The following PLA2G6 variants were observed in gnomAD, a reference collection of about 807,000 sequenced individuals.
The protein encoded by PLA2G6 is 85/88 kDa calcium-independent phospholipase A2.
Under a neutral mutation model 83.8 loss-of-function variants are expected in PLA2G6, and 62 were observed. That is an observed-to-expected ratio of 0.74 (90% CI 0.60 to 0.91). The LOEUF (loss-of-function observed/expected upper bound fraction) is 0.91, where lower values mean the gene tolerates loss of function less well. Ranked by LOEUF, PLA2G6 falls within the 40% of genes least tolerant of loss-of-function variation. The pLI, the probability that PLA2G6 is intolerant of heterozygous loss-of-function variation, is 0.00. For synonymous variants in PLA2G6, 417 were observed against 449.8 expected (o/e 0.93, Z 0.92); for missense variants, 944 against 1,102.0 (o/e 0.86, Z 2.03).
intron 1 of PLA2G6, 119 bp from the exon 2 acceptor site, chr22:38,169,590 C>A: frequency 2.9e-6 from 2 of 681,558 alleles, no homozygotes; most frequent in Admixed American, 2.1e-5. Flanking sequence ...TCCCCAGATC[C>A]TGGGCCTGGA....
chr22:38,152,018 G>C (rs1326023695), intron 2 of PLA2G6, among the ~76,000 whole-genome samples: 1 of 152,126 alleles, frequency 6.6e-6, no homozygotes, highest in Non-Finnish European at 1.5e-5. Flanking sequence ...CTGGAACAAA[G>C]GTAGTGCTAT....
Position 38,143,275 on chromosome 22 carries a change from C to T in PLA2G6, c.439G>A (p.Ala147Thr), listed in dbSNP as rs138672490. ...HSRIISCANC[A>T]ENEEGCTPLH... ...GGTGTGCAGCCCTCCTCGTTCTCCG[C>T]GCAATTGGCACAGCTGCAGGAGAGG... Residue 147 changes from alanine to threonine, a missense_variant, in exon 4 of 17, where the codon GCG (alanine) becomes ACG (threonine). Coordinates refer to ENST00000332509, the MANE Select transcript of PLA2G6 (RefSeq NM_003560.4). The T allele has an allele frequency of 1.0e-4, 169 of 1,612,430 alleles. No individual in the cohort carries two copies. Among genetic ancestry groups the T allele is most frequent in the Admixed American group, 2.8e-4 (17 of 60,022 alleles).
chr22:38,119,051 C>G (rs1304157257), intron 12 of PLA2G6, among the ~76,000 whole-genome samples: 1 of 152,168 alleles, frequency 6.6e-6, no homozygotes, highest in Non-Finnish European at 1.5e-5. Context: ...CTTGAGCCAC[C>G]ATGCCTGGCA....
intron 3 of PLA2G6, chr22:38,143,808 A>G (rs915069695): frequency 1.2e-5 from 3 of 241,944 alleles, no homozygotes; most frequent in African/African-American, 6.7e-5. Flanking sequence ...CAGTGACACA[A>G]TCTCGGCTCA....
intron 2 of PLA2G6, among the ~76,000 whole-genome samples, chr22:38,160,048 A>G (rs558943346): frequency 3.3e-5 from 5 of 152,336 alleles, no homozygotes; most frequent in African/African-American, 1.2e-4. Context: ...GAAAAAGATA[A>G]ACAACTTTAT....
At chr22:38,165,586 G>C (rs776915450) in intron 2 of PLA2G6, among the ~76,000 whole-genome samples, 5 of 152,166 alleles carry the variant, frequency 3.3e-5, no homozygotes, top group African/African-American at 4.8e-5. Context: ...AAGAAAACAG[G>C]AAGCTGGCCG....
chr22:38,113,400 A>G, intron 15 of PLA2G6, 87 bp downstream of exon 15: 1 of 1,316,862 alleles, frequency 7.6e-7, no homozygotes, highest in Non-Finnish European at 1.1e-6. Context: ...CTCCTCCAAC[A>G]CCAAAGGCCC....
chr22:38,120,294 T>A (rs2087447127), intron 12 of PLA2G6, among the ~76,000 whole-genome samples: 1 of 152,228 alleles, frequency 6.6e-6, no homozygotes, highest in African/African-American at 2.4e-5. Flanking sequence ...AACCTAGTAG[T>A]CCGATCCTGG....
intron 1 of PLA2G6, among the ~76,000 whole-genome samples, chr22:38,171,758 T>A (rs1451606107): frequency 6.6e-6 from 1 of 150,412 alleles, no homozygotes; most frequent in African/African-American, 2.5e-5. Flanking sequence ...GAGGTGGAGG[T>A]TGCAGTGAGC....
chr22:38,134,606 A>G lies in PLA2G6; in HGVS notation c.894+382T>C, dbSNP rs144582201. On this transcript the variant is annotated intron_variant, in intron 6 of 16. Transcript: ENST00000332509. ...AATAAACCCCCCTCTCTCTCTATATATATATCTCCTGTTAGTTCTGGCCCT... is the reference window on the plus strand; with the variant it reads ...AATAAACCCCCCTCTCTCTCTATATGTATATCTCCTGTTAGTTCTGGCCCT... 12 of 229,464 alleles carry G rather than the reference A, an allele frequency of 5.2e-5. No individual in the cohort carries two copies. In the East Asian group the frequency reaches 1.2e-3, roughly 22 times the overall value. The allele number at this position is 229,464 out of a possible 1,614,324, so 14.2% of individuals were successfully genotyped here. A position where few individuals can be genotyped will look rare whatever the true frequency, so the allele number is the denominator to read the frequency against.
rs587784352 is a variant in PLA2G6, at chr22:38,112,253, CTG to C, written c.2327_2328del (p.Thr776SerfsTer15). 5.6e-6 allele frequency: 9 copies of C among 1,613,590 alleles called. No homozygotes were observed. The highest frequency in any genetic ancestry group is 7.6e-6 in the Non-Finnish European group (9 of 1,179,828). ...TDIMLDEVSD[T>X]VLVNALWETE... ...GTCTCCCAGAGGGCGTTGACCAGCA[CTG>C]TGTCACTGACCTCATCCAGCATGAT... On this transcript the variant is annotated frameshift_variant, in exon 17 of 17. Coordinates refer to ENST00000332509, the MANE Select transcript of PLA2G6 (RefSeq NM_003560.4). LOFTEE classifies it high-confidence loss of function.
At chr22:38,141,712 C>A (rs902584436) in intron 4 of PLA2G6, 3 of 152,162 alleles carry the variant, frequency 2.0e-5, no homozygotes, top group African/African-American at 7.2e-5. Context: ...AGGTCAGGCA[C>A]CAATCAGCAC....
At chr22:38,139,052 A>G (rs1451220711) in intron 5 of PLA2G6, 14 of 152,160 alleles carry the variant, frequency 9.2e-5, no homozygotes, top group Admixed American at 6.6e-4. Flanking sequence ...TCCTGACACC[A>G]GGGGTTCCCA....
chr22:38,146,396 C>G (rs925670264), intron 2 of PLA2G6: 5 of 152,634 alleles, frequency 3.3e-5, no homozygotes, highest in African/African-American at 9.7e-5. Context: ...GTTGCCCAGG[C>G]TGGTCTTGAA....
At chr22:38,113,945 G>A in intron 14 of PLA2G6, 1 of 506,772 alleles carries the variant, frequency 2.0e-6, no homozygotes, top group Non-Finnish European at 3.8e-6. Flanking sequence ...ATCTGATGCT[G>A]GCCCAAGTCA....
Position 38,169,461 on chromosome 22 carries a change from TC to T in PLA2G6, c.-36del. The T allele has an allele frequency of 6.3e-7, 1 of 1,576,654 alleles. No homozygotes were observed. Among genetic ancestry groups the T allele is most frequent in the East Asian group, 2.2e-5 (1 of 44,566 alleles). The stretch of plus-strand genomic sequence containing the variant: ...GGCAGGTGGGGAGGCCCCACCGTCT[TC>T]CCCCTCTGTCTGGAAGAAAACGAGG... On this transcript the variant is annotated 5_prime_UTR_variant, in exon 2 of 17. Transcript: ENST00000332509.
chr22:38,161,862 C>T (rs1334716920), intron 2 of PLA2G6, among the ~76,000 whole-genome samples: 4 of 152,072 alleles, frequency 2.6e-5, no homozygotes, highest in Admixed American at 6.5e-5. Flanking sequence ...TGCAGAAAGA[C>T]GTCAAACCAC....
At chr22:38,179,488 ACT>A (rs1017781676) in intron 1 of PLA2G6, among the ~76,000 whole-genome samples, 5 of 118,594 alleles carry the variant, frequency 4.2e-5, no homozygotes, top group African/African-American at 1.6e-4. Flanking sequence ...TCAATTCTAA[ACT>A]CTTAAGTTTG....
intron 1 of PLA2G6, among the ~76,000 whole-genome samples, chr22:38,180,137 GCAGACACACACA>G (rs536692579): frequency 2.9e-3 from 361 of 122,836 alleles, no homozygotes; most frequent in Non-Finnish European, 4.3e-3. Context: ...ATAGATGTCT[GCAGACACACACA>G]CACACACACA....
Sources: gnomAD v4.1 joint callset for allele counts (sites outside exome capture counted in the v4.1 genomes callset) on GRCh38, gnomAD v4.1.1 for gene constraint, MANE v1.5 for transcripts, NCBI Gene and HGNC (gene_info 2026-07-23, HGNC 2026-07-21) for gene names.